The following GRM7 variants were observed in gnomAD, a reference collection of about 807,000 sequenced individuals.
GRM7 encodes the protein metabotropic glutamate receptor 7.
A neutral mutation model predicts 84.5 loss-of-function variants in GRM7; 35 were observed. That is an observed-to-expected ratio of 0.41 (90% confidence interval 0.32 to 0.55). The LOEUF (loss-of-function observed/expected upper bound fraction) is 0.55. Ranked by LOEUF, GRM7 falls within the 20% of genes least tolerant of loss-of-function variation. GRM7 has a pLI of 0.19. For missense variants in GRM7, 1,003 were observed against 1,194.6 expected (o/e 0.84, Z 2.36); for synonymous variants, 487 against 455.1 (o/e 1.07, Z -0.89).
chr3:7,020,012 C>T (rs1412342915), intron 1 of GRM7, among the ~76,000 whole-genome samples: 3 of 152,076 alleles, frequency 2.0e-5, no homozygotes, highest in South Asian at 2.1e-4. Context: ...GCCACCACGC[C>T]CAGCTAATTT....
chr3:7,106,617 G>A (rs996913597), intron 1 of GRM7, among the ~76,000 whole-genome samples: 2 of 151,974 alleles, frequency 1.3e-5, no homozygotes, highest in Non-Finnish European at 1.5e-5. Flanking sequence ...TCCAGCTGAA[G>A]CAAAGGCTAC....
chr3:7,349,003 G>A (rs907192407), intron 4 of GRM7, among the ~76,000 whole-genome samples: 3 of 152,052 alleles, frequency 2.0e-5, no homozygotes, highest in African/African-American at 4.8e-5. Context: ...TTCATGCAAC[G>A]GAGGGGTTAT....
chr3:7,501,044 A>C (rs1397003178), intron 7 of GRM7, among the ~76,000 whole-genome samples: 1 of 152,212 alleles, frequency 6.6e-6, no homozygotes, highest in Non-Finnish European at 1.5e-5. Flanking sequence ...CACAGTATCA[A>C]TGAAGTAAAA....
chr3:6,970,719 C>T, intron 1 of GRM7, among the ~76,000 whole-genome samples: 1 of 152,188 alleles, frequency 6.6e-6, no homozygotes, highest in East Asian at 1.9e-4. Context: ...GTGGCTCACG[C>T]CTGTAATCCC....
chr3:7,397,471 T>C (rs1477651240), intron 4 of GRM7, among the ~76,000 whole-genome samples: 1 of 152,134 alleles, frequency 6.6e-6, no homozygotes, highest in Non-Finnish European at 1.5e-5. Context: ...ATAAAATGAA[T>C]AAGACCTAAT....
At chr3:7,521,227 G>A (rs1448390865) in intron 7 of GRM7, among the ~76,000 whole-genome samples, 2 of 152,182 alleles carry the variant, frequency 1.3e-5, no homozygotes, top group African/African-American at 4.8e-5. Flanking sequence ...CTTTTCCCAG[G>A]TTCCCAGTGC....
chr3:7,720,980 A>G (rs375253926), intron 9 of GRM7, among the ~76,000 whole-genome samples: 6 of 152,150 alleles, frequency 3.9e-5, no homozygotes, highest in East Asian at 1.9e-4. Flanking sequence ...GCTGGTACCT[A>G]CTTCATAGAG....
In GRM7 at chr3:7,648,417, C is replaced by T. The variant is rs546301567; in HGVS notation, c.2452-31632C>T. ...ATCCTAGCACTTTAGGAGGCTGAGG[C>T]GGGCGGATCACCTGAGGTCAGGAGT... On this transcript the variant is annotated intron_variant, in intron 8 of 9. Transcript: ENST00000357716. 2.6e-3 allele frequency among the ~76,000 whole-genome samples: 402 copies of T among 151,932 alleles called. 4 individuals are homozygous for T. Among genetic ancestry groups the T allele is most frequent in the African/African-American group, 7.9e-3 (329 of 41,446 alleles).
At position 6,901,601 on chromosome 3, in the gene GRM7, G is replaced by A. The variant is rs566194565; in HGVS notation, c.519+39694G>A. ...CAGCCTGGTGACAGAGCAAGACTCC[G>A]TCTAAAAAAAAAAAAAAAAAAAAAA... On this transcript the variant is annotated intron_variant, in intron 1 of 9. Coordinates refer to ENST00000357716, the MANE Select transcript of GRM7 (RefSeq NM_000844.4). 4.7e-4 allele frequency among the ~76,000 whole-genome samples: 15 copies of A among 32,168 alleles called. No homozygotes were observed. The Admixed American group carries it at 4.7e-3, about 10-fold the overall frequency. 21.1% of individuals were successfully genotyped at this position (32,168 alleles called of 152,430 possible).
At chr3:6,955,782 C>T (rs1693019964) in intron 1 of GRM7, among the ~76,000 whole-genome samples, 1 of 148,176 alleles carries the variant, frequency 6.7e-6, no homozygotes, top group Non-Finnish European at 1.5e-5. Flanking sequence ...GCAGAGATTG[C>T]AATGAGTCGA....
chr3:7,030,556 T>C lies in GRM7; in HGVS notation c.520-115896T>C, dbSNP rs539664786. ...GTACCAATGCAACAATATCTATATG[T>C]ATAGGCTGGCCTTCTGATCCAAAAG... On this transcript the variant is annotated intron_variant, in intron 1 of 9. Coordinates refer to ENST00000357716, the MANE Select transcript of GRM7 (RefSeq NM_000844.4). Among the ~76,000 whole-genome samples the C allele has an allele frequency of 8.5e-4, 129 of 152,314 alleles. 3 individuals carry two copies. In the South Asian group the frequency reaches 0.026, roughly 31 times the overall value.
intron 5 of GRM7, among the ~76,000 whole-genome samples, chr3:7,419,297 G>A (rs1032483317): frequency 2.0e-5 from 3 of 152,148 alleles, no homozygotes; most frequent in Non-Finnish European, 4.4e-5. Context: ...CTTTAACACA[G>A]AGTGTGTGTC....
At chr3:7,466,500 C>T (rs1231033243) in intron 7 of GRM7, among the ~76,000 whole-genome samples, 2 of 152,072 alleles carry the variant, frequency 1.3e-5, no homozygotes, top group South Asian at 2.1e-4. Flanking sequence ...AATTCTAAAT[C>T]GATGTTGTAA....
At chr3:7,220,550 T>G (rs1159221239) in intron 2 of GRM7, among the ~76,000 whole-genome samples, 1 of 152,084 alleles carries the variant, frequency 6.6e-6, no homozygotes, top group Non-Finnish European at 1.5e-5. Flanking sequence ...GGAGACAAGA[T>G]CACTAACTGT....
At chr3:7,378,206 G>C (rs1443145586) in intron 4 of GRM7, among the ~76,000 whole-genome samples, 1 of 152,130 alleles carries the variant, frequency 6.6e-6, no homozygotes. Flanking sequence ...AATATTCTTA[G>C]CTTCTAGTCC....
At chr3:7,481,395 TA>T in intron 7 of GRM7, among the ~76,000 whole-genome samples, 1 of 152,280 alleles carries the variant, frequency 6.6e-6, no homozygotes, top group Non-Finnish European at 1.5e-5. Context: ...ACCTGGCCAA[TA>T]AAGTCTTTAT....
intron 9 of GRM7, among the ~76,000 whole-genome samples, chr3:7,713,944 G>A (rs1383113589): frequency 2.0e-5 from 3 of 151,748 alleles, no homozygotes; most frequent in African/African-American, 4.8e-5. Flanking sequence ...AGAGCCATCC[G>A]CAGAGTCTCT....
chr3:7,379,900 C>G (rs1211812023), intron 4 of GRM7, among the ~76,000 whole-genome samples: 1 of 152,162 alleles, frequency 6.6e-6, no homozygotes, highest in African/African-American at 2.4e-5. Flanking sequence ...AGGGTCATCT[C>G]AAACTCTGCC....
chr3:7,502,706 T>C (rs77420994), intron 7 of GRM7, among the ~76,000 whole-genome samples: 1,723 of 152,260 alleles, frequency 0.011, 29 homozygotes, highest in African/African-American at 0.04. Flanking sequence ...AGAAAATGGA[T>C]TGTAATTTGG....
Sources: allele counts gnomAD v4.1 joint callset (sites outside exome capture counted in the v4.1 genomes callset), GRCh38; gene constraint gnomAD v4.1.1; transcripts MANE v1.5; gene names NCBI Gene and HGNC (gene_info 2026-07-23, HGNC 2026-07-21).